Variants in HIBCH observed in about 807,000 individuals in gnomAD.
The protein encoded by HIBCH is 3-hydroxyisobutyryl-CoA hydrolase, also known as 3-hydroxyisobutyryl-CoA hydrolase, mitochondrial.
A neutral mutation model predicts 58.2 loss-of-function variants in HIBCH; 50 were observed. The ratio of observed to expected loss-of-function variants is 0.86; its 90% confidence interval spans 0.68 to 1.09. HIBCH has a LOEUF of 1.09. Among genes scored for constraint, HIBCH ranks in the 50% least tolerant of loss-of-function variants. The pLI is 0.00. For synonymous variants in HIBCH, 151 were observed against 146.9 expected (o/e 1.03, Z -0.20); for missense variants, 450 against 449.7 (o/e 1.00, Z -0.01).
At chr2:190,266,304 T>C (rs1040334861) in intron 6 of HIBCH, among the ~76,000 whole-genome samples, 6 of 152,246 alleles carry the variant, frequency 3.9e-5, no homozygotes, top group Non-Finnish European at 5.9e-5. Context: ...AATATGTGCA[T>C]GAAAATATAC....
intron 1 of HIBCH, among the ~76,000 whole-genome samples, chr2:190,314,772 C>T (rs1020611216): frequency 1.3e-5 from 2 of 152,186 alleles, no homozygotes; most frequent in African/African-American, 4.8e-5. Flanking sequence ...AGCCACCGCA[C>T]CCAGCCCATT....
At chr2:190,202,932 C>A (rs1001457929), downstream of HIBCH, 1 of 167,054 alleles carries the variant, frequency 6.0e-6, no homozygotes, top group Non-Finnish European at 1.5e-5. Flanking sequence ...AAATTCTCTA[C>A]TTTTGTTGCC....
At chr2:190,277,045 T>C (rs2105970985) in intron 6 of HIBCH, among the ~76,000 whole-genome samples, 1 of 152,290 alleles carries the variant, frequency 6.6e-6, no homozygotes. Flanking sequence ...CATATTAACT[T>C]AAGAAAATGC....
chr2:190,272,937 C>T (rs1346976972), intron 6 of HIBCH, among the ~76,000 whole-genome samples: 2 of 152,106 alleles, frequency 1.3e-5, no homozygotes, highest in African/African-American at 4.8e-5. Flanking sequence ...AACAGACCAT[C>T]TGTGGTATAT....
intron 6 of HIBCH, among the ~76,000 whole-genome samples, chr2:190,276,162 G>A (rs949779691): frequency 1.3e-5 from 2 of 152,152 alleles, no homozygotes; most frequent in South Asian, 2.1e-4. Context: ...TCTTTGGGAC[G>A]CTCAAGGCAG....
chr2:190,285,244 T>G (rs549615902), intron 6 of HIBCH, among the ~76,000 whole-genome samples: 35 of 152,374 alleles, frequency 2.3e-4, no homozygotes, highest in African/African-American at 7.7e-4. Flanking sequence ...TCTATCCTTA[T>G]GGGATTTCTT....
At chr2:190,201,574 CCT>C (rs1215746311), downstream of HIBCH, 1 of 166,914 alleles carries the variant, frequency 6.0e-6, no homozygotes, top group African/African-American at 2.4e-5. Context: ...AGAAAATCTA[CCT>C]CTAATTTTAA....
In HIBCH at chr2:190,306,092, A is replaced by AT. The variant is rs897279284; in HGVS notation, c.78+4661dup. On this transcript the variant is annotated intron_variant, in intron 2 of 13. Transcript: ENST00000359678. The surrounding 1 kb of genome is among the most constrained non-coding windows in gnomAD (Gnocchi z 4.6). ...TCACTACTACAGATAAAGCTGTCTT[A>AT]TTTTTTTTCTATGTTTCTATGGTAA... Among the ~76,000 whole-genome samples the AT allele has an allele frequency of 3.1e-4, 47 of 152,146 alleles. No individual in the cohort carries two copies. The highest frequency in any genetic ancestry group is 1.1e-3 in the African/African-American group (45 of 41,530).
chr2:190,257,066 A>T (rs1686945947), intron 7 of HIBCH, among the ~76,000 whole-genome samples: 1 of 152,240 alleles, frequency 6.6e-6, no homozygotes, highest in South Asian at 2.1e-4. Context: ...CAAATTTGAC[A>T]GAAGTTATAA....
intron 6 of HIBCH, among the ~76,000 whole-genome samples, chr2:190,276,001 A>G (rs1354691969): frequency 6.6e-6 from 1 of 152,208 alleles, no homozygotes; most frequent in Admixed American, 6.5e-5. Context: ...AAGATCCTGA[A>G]GCATTTCTTT....
rs950934149 is a variant in HIBCH, at chr2:190,294,137, T to C, written c.304+409A>G. 9.3e-5 allele frequency among the ~76,000 whole-genome samples: 14 copies of C among 150,940 alleles called. 1 individual carries two copies. Among genetic ancestry groups the C allele is most frequent in the Admixed American group, 5.3e-4 (8 of 15,094 alleles). ...ATAGTGGGAAGCATAGGAAAAGTTATGGAAATATGTGAGAGCATGTCATAT... is the reference window on the plus strand; with the variant it reads ...ATAGTGGGAAGCATAGGAAAAGTTACGGAAATATGTGAGAGCATGTCATAT... On this transcript the variant is annotated intron_variant, in intron 4 of 13. Coordinates refer to ENST00000359678, the MANE Select transcript of HIBCH (RefSeq NM_014362.4).
At chr2:190,270,009 C>G (rs1575738605) in intron 6 of HIBCH, among the ~76,000 whole-genome samples, 1 of 151,994 alleles carries the variant, frequency 6.6e-6, no homozygotes, top group Admixed American at 6.6e-5. Context: ...TAAGTGGGAG[C>G]TGAACAATGA....
chr2:190,312,221 A>C (rs1688577379), intron 1 of HIBCH, among the ~76,000 whole-genome samples: 1 of 152,234 alleles, frequency 6.6e-6, no homozygotes, highest in Non-Finnish European at 1.5e-5. Flanking sequence ...AAATTCATCA[A>C]GTTGTATCAT....
chr2:190,285,081 G>A (rs1055877766), intron 6 of HIBCH, among the ~76,000 whole-genome samples: 2 of 152,118 alleles, frequency 1.3e-5, no homozygotes, highest in African/African-American at 4.8e-5. Flanking sequence ...GTTCTCCACA[G>A]ATACTTCACT....
intron 5 of HIBCH, among the ~76,000 whole-genome samples, chr2:190,289,084 C>G (rs1348192810): frequency 2.6e-5 from 4 of 151,968 alleles, no homozygotes; most frequent in Admixed American, 6.6e-5. Context: ...GCACTCCAGC[C>G]TGGGTGACAG....
At chr2:190,259,031 T>C (rs890729604) in intron 7 of HIBCH, among the ~76,000 whole-genome samples, 1 of 152,210 alleles carries the variant, frequency 6.6e-6, no homozygotes, top group African/African-American at 2.4e-5. Context: ...AACTTTGCAA[T>C]AGTGTTTGAA....
intron 2 of HIBCH, among the ~76,000 whole-genome samples, chr2:190,309,615 G>A (rs1019199197): frequency 1.3e-5 from 2 of 151,308 alleles, no homozygotes; most frequent in African/African-American, 2.4e-5. Flanking sequence ...GGAGTGCAGT[G>A]GCGCATCTTG....
chr2:190,202,566 T>C (rs1690279681), downstream of HIBCH: 1 of 167,076 alleles, frequency 6.0e-6, no homozygotes, highest in South Asian at 2.1e-4. Context: ...CCTTCTTTCA[T>C]ATCTTTATAT....
At chr2:190,286,862 TA>T (rs11380276) in intron 6 of HIBCH, among the ~76,000 whole-genome samples, 33 of 147,208 alleles carry the variant, frequency 2.2e-4, no homozygotes, top group Admixed American at 2.7e-4. Flanking sequence ...ATACTGAATT[TA>T]AAAAAAAAAA....
Sources: allele counts gnomAD v4.1 joint callset (sites outside exome capture counted in the v4.1 genomes callset), GRCh38; gene constraint gnomAD v4.1.1; non-coding constraint Gnocchi (gnomAD v3.1); transcripts MANE v1.5; gene names NCBI Gene and HGNC (gene_info 2026-07-23, HGNC 2026-07-21).